Variants in ERBB4 observed in about 807,000 individuals in gnomAD.
ERBB4 encodes receptor tyrosine-protein kinase erbB-4.
ERBB4 carries 42 observed loss-of-function variants against 158.0 expected under a neutral mutation model. The observed-to-expected ratio is 0.27, with a 90% CI of 0.21 to 0.34. The LOEUF (loss-of-function observed/expected upper bound fraction) is 0.34. Ranked by LOEUF, ERBB4 falls within the 10% of genes least tolerant of loss-of-function variation. The probability of loss-of-function intolerance (pLI) is 1.00; values close to 1 mark genes in which losing one functional copy is unlikely to be tolerated. For synonymous variants in ERBB4, 583 were observed against 558.7 expected (o/e 1.04, Z -0.61); for missense variants, 1,333 against 1,624.1 (o/e 0.82, Z 3.08).
chr2:211,415,931 AAAG>A (rs2063379430), intron 25 of ERBB4, among the ~76,000 whole-genome samples: 1 of 152,238 alleles, frequency 6.6e-6, no homozygotes, highest in Non-Finnish European at 1.5e-5. Flanking sequence ...AGCAGATAGA[AAAG>A]AAGGGAAAAA....
chr2:211,942,043 G>C (rs2080514004), intron 3 of ERBB4, among the ~76,000 whole-genome samples: 1 of 152,048 alleles, frequency 6.6e-6, no homozygotes, highest in Non-Finnish European at 1.5e-5. Context: ...CCAGGTCTTT[G>C]CACAGAGATT....
At chr2:211,928,344 C>A (rs896596759) in intron 3 of ERBB4, among the ~76,000 whole-genome samples, 10 of 151,880 alleles carry the variant, frequency 6.6e-5, no homozygotes, top group Admixed American at 2.0e-4. Context: ...CCCCCGTAAC[C>A]CACTCACCGC....
chr2:211,422,648 T>TTATC (rs1305016490), intron 23 of ERBB4, among the ~76,000 whole-genome samples: 2 of 151,954 alleles, frequency 1.3e-5, no homozygotes, highest in African/African-American at 2.4e-5. Context: ...AAAGCAGACC[T>TTATC]TATCTCTACA....
At chr2:212,028,522 T>G (rs903506198) in intron 2 of ERBB4, among the ~76,000 whole-genome samples, 2 of 152,256 alleles carry the variant, frequency 1.3e-5, no homozygotes, top group Non-Finnish European at 2.9e-5. Flanking sequence ...TCAGTTGGCT[T>G]TAATAAACTA....
intron 1 of ERBB4, among the ~76,000 whole-genome samples, chr2:212,387,495 G>A (rs539302827): frequency 2.0e-5 from 3 of 150,214 alleles, no homozygotes; most frequent in Non-Finnish European, 2.9e-5. Context: ...TCAGCTCACT[G>A]AAACCTCTGC....
At chr2:211,683,513 G>A (rs2072441491) in intron 12 of ERBB4, among the ~76,000 whole-genome samples, 1 of 152,010 alleles carries the variant, frequency 6.6e-6, no homozygotes, top group Admixed American at 6.6e-5. Context: ...TGTGTTTATT[G>A]TTTGTTTCTT....
intron 20 of ERBB4, among the ~76,000 whole-genome samples, chr2:211,480,071 T>C (rs1438308636): frequency 2.0e-5 from 3 of 152,120 alleles, no homozygotes; most frequent in Admixed American, 2.0e-4. Context: ...AAAAATCTGA[T>C]CTATCTGCCA....
chr2:212,083,946 T>C (rs908738708), intron 2 of ERBB4, among the ~76,000 whole-genome samples: 4 of 148,744 alleles, frequency 2.7e-5, no homozygotes, highest in Non-Finnish European at 4.5e-5. Context: ...AAAGATCCAC[T>C]ACAACCTGCC....
intron 4 of ERBB4, among the ~76,000 whole-genome samples, chr2:211,772,812 TATATATATATATATATATATATACAC>T (rs71054141): frequency 0.15 from 3,704 of 24,982 alleles, 380 homozygotes; most frequent in African/African-American, 0.3. Context: ...TACTGGGATA[TATATATATATATATATATATATACAC>T]ATATATATAT....
intron 1 of ERBB4, among the ~76,000 whole-genome samples, chr2:212,278,925 G>A (rs2085646683): frequency 6.6e-6 from 1 of 151,658 alleles, no homozygotes; most frequent in Non-Finnish European, 1.5e-5. Flanking sequence ...CAGAGGTAAA[G>A]TATATAATGG....
At chr2:211,890,734 A>C (rs1221039115) in intron 3 of ERBB4, among the ~76,000 whole-genome samples, 1 of 134,254 alleles carries the variant, frequency 7.4e-6, no homozygotes, top group Non-Finnish European at 1.6e-5. Flanking sequence ...ATGGGAAACA[A>C]AAAAAGGCAG....
intron 1 of ERBB4, among the ~76,000 whole-genome samples, chr2:212,181,536 CAT>C (rs1381660513): frequency 1.3e-5 from 2 of 151,744 alleles, no homozygotes; most frequent in Admixed American, 6.6e-5. Context: ...TAATCATATA[CAT>C]ATGTTTATCA....
intron 20 of ERBB4, among the ~76,000 whole-genome samples, chr2:211,467,519 C>T (rs945286671): frequency 1.3e-5 from 2 of 152,126 alleles, no homozygotes; most frequent in African/African-American, 4.8e-5. Context: ...TTCCACCTGT[C>T]CATGCAGTGG....
At chr2:211,816,037 G>A (rs571457024) in intron 3 of ERBB4, among the ~76,000 whole-genome samples, 8 of 152,022 alleles carry the variant, frequency 5.3e-5, no homozygotes, top group South Asian at 4.2e-4. Context: ...TTTCTGACTC[G>A]GACTGAGCCA....
At chr2:211,734,583 T>C (rs1185212481) in intron 5 of ERBB4, among the ~76,000 whole-genome samples, 1 of 140,940 alleles carries the variant, frequency 7.1e-6, no homozygotes, top group Non-Finnish European at 1.5e-5. Flanking sequence ...TTAAGTAAAT[T>C]ATAGCACAAC....
chr2:212,157,805 T>C (rs940379196), intron 1 of ERBB4, among the ~76,000 whole-genome samples: 10 of 152,118 alleles, frequency 6.6e-5, no homozygotes, highest in African/African-American at 1.4e-4. Flanking sequence ...AATACATGAC[T>C]ATCTTCTACT....
At chr2:211,725,226 A>G (rs1416436127) in intron 5 of ERBB4, 32 bp from the exon 6 acceptor site, 1 of 1,527,712 alleles carries the variant, frequency 6.5e-7, no homozygotes, top group South Asian at 1.1e-5. Flanking sequence ...CCATGATCAA[A>G]GTCTGCCACC....
At chr2:212,462,209 T>C (rs1255288992) in intron 1 of ERBB4, among the ~76,000 whole-genome samples, 3 of 152,170 alleles carry the variant, frequency 2.0e-5, no homozygotes, top group Non-Finnish European at 4.4e-5. Flanking sequence ...GCAAAGATTT[T>C]ATAGTTAAGC....
chr2:211,716,119 T>A (rs757243541), intron 7 of ERBB4, among the ~76,000 whole-genome samples: 38 of 151,866 alleles, frequency 2.5e-4, no homozygotes, highest in Non-Finnish European at 3.8e-4. Flanking sequence ...TCCCAGCACT[T>A]TGGGAGGCCG....
Sources: allele counts gnomAD v4.1 joint callset (sites outside exome capture counted in the v4.1 genomes callset), GRCh38; gene constraint gnomAD v4.1.1; transcripts MANE v1.5; gene names NCBI Gene and HGNC (gene_info 2026-07-23, HGNC 2026-07-21).